The following PHIP variants were observed in gnomAD, a reference collection of about 807,000 sequenced individuals.
PHIP encodes PHIP subunit of CUL4-Ring ligase complex, also known as PH-interacting protein.
A neutral mutation model predicts 236.8 loss-of-function variants in PHIP; 54 were observed. The ratio of observed to expected loss-of-function variants is 0.23; its 90% CI spans 0.18 to 0.29. The LOEUF (loss-of-function observed/expected upper bound fraction) is 0.29. PHIP is among the 10% of genes least tolerant of loss of function. The probability of loss-of-function intolerance (pLI) is 1.00; values close to 1 mark genes in which losing one functional copy is unlikely to be tolerated. For synonymous variants in PHIP, 756 were observed against 718.9 expected, an observed-to-expected ratio of 1.05 and a Z score of -0.83; for missense variants, 1,370 against 2,190.8, an observed-to-expected ratio of 0.63 and a Z score of 7.48.
chr6:78,954,614 T>C (rs552539236), intron 35 of PHIP, among the ~76,000 whole-genome samples, 200 bp downstream of exon 35: 1 of 152,124 alleles, frequency 6.6e-6, no homozygotes, highest in South Asian at 2.1e-4. Context: ...ATTCTTACAG[T>C]GTCTTCATTC....
intron 27 of PHIP, among the ~76,000 whole-genome samples, chr6:78,969,340 CTCTCA>C (rs1486951289): frequency 2.0e-5 from 3 of 152,190 alleles, no homozygotes; most frequent in African/African-American, 7.2e-5. Context: ...AAGAGAACTA[CTCTCA>C]TAAGTGGCAC....
intron 2 of PHIP, 46 bp downstream of exon 2, chr6:79,077,809 C>T: frequency 4.4e-6 from 5 of 1,137,572 alleles, no homozygotes; most frequent in Non-Finnish European, 5.4e-6. Context: ...CCCCCACGCC[C>T]GCGAGCGGCG....
intron 23 of PHIP, among the ~76,000 whole-genome samples, chr6:78,980,196 C>A (rs758490063): frequency 4.6e-5 from 7 of 151,960 alleles, no homozygotes; most frequent in Non-Finnish European, 1.0e-4. Context: ...CACAGCCATA[C>A]CCATTTATGT....
At chr6:78,967,060 A>C (rs1437562119) in intron 27 of PHIP, among the ~76,000 whole-genome samples, 1 of 152,226 alleles carries the variant, frequency 6.6e-6, no homozygotes, top group Non-Finnish European at 1.5e-5. Flanking sequence ...AATTAATCTG[A>C]ATCAGTTTTA....
At chr6:78,990,531 GAAAAACATAACAAAATGCTAT>G in intron 20 of PHIP, among the ~76,000 whole-genome samples, 2 of 152,056 alleles carry the variant, frequency 1.3e-5, no homozygotes, top group African/African-American at 4.8e-5. Context: ...AAAACACATA[GAAAAACATAACAAAATGCTAT>G]TTTTAGACTG....
At chr6:78,992,253 G>A (rs1030832687) in intron 19 of PHIP, among the ~76,000 whole-genome samples, 16 of 151,896 alleles carry the variant, frequency 1.1e-4, no homozygotes, top group Non-Finnish European at 1.6e-4. Flanking sequence ...GTGAGCCACC[G>A]CGCCGGCCCA....
intron 7 of PHIP, among the ~76,000 whole-genome samples, chr6:79,036,564 CCT>C (rs1771941567): frequency 1.3e-5 from 2 of 152,094 alleles, no homozygotes; most frequent in Admixed American, 6.6e-5. Flanking sequence ...TTCTTCCCTC[CCT>C]CTCTCTCCAT....
rs1305393510 is a variant in PHIP, at chr6:78,988,321, A to G, written c.2348T>C (p.Leu783Pro). 1 of 1,605,416 alleles carries G rather than the reference A, an allele frequency of 6.2e-7. No individual in the cohort carries two copies. The highest frequency in any genetic ancestry group is 1.7e-5 in the Admixed American group (1 of 59,480). Residue 783 changes from leucine (L) to proline (P), a missense_variant, in exon 21 of 40, where the codon CTT (leucine) becomes CCT (proline). Coordinates refer to ENST00000275034, the MANE Select transcript of PHIP (RefSeq NM_017934.7). ...KNHAHEHFLD[L>P]GESKKQQTNQ... The stretch of plus-strand genomic sequence containing the variant: ...TGTCTGTTGCTTTTTGGATTCTCCA[A>G]GATCCAGGAAATGCTCATGAGCATG...
At chr6:78,964,099 T>A (rs1050561382) in intron 29 of PHIP, among the ~76,000 whole-genome samples, 34 of 152,148 alleles carry the variant, frequency 2.2e-4, no homozygotes, top group Middle Eastern at 3.2e-3. Flanking sequence ...TCAATGTGAG[T>A]TCAAATTCAA....
chr6:79,000,123 G>T lies in PHIP; in HGVS notation c.1880-1732C>A, dbSNP rs562608682. ...CTGGATTTGCAAATAAAAAGCTAAG[G>T]TTTTTTTTGAAAAGAATTTTGCTTT... On this transcript the variant is annotated intron_variant, in intron 17 of 39. Transcript: ENST00000275034. 2.0e-5 allele frequency among the ~76,000 whole-genome samples: 3 copies of T among 151,540 alleles called. No individual in the cohort carries two copies. The East Asian group carries it at 5.8e-4, about 29-fold the overall frequency.
chr6:79,049,407 A>C (rs1031016973), intron 6 of PHIP, among the ~76,000 whole-genome samples: 7 of 152,174 alleles, frequency 4.6e-5, no homozygotes, highest in Admixed American at 3.3e-4. Context: ...AACACTTGGA[A>C]GGAAAGCTCC....
At chr6:79,019,373 C>T (rs1439446111) in intron 9 of PHIP, among the ~76,000 whole-genome samples, 1 of 152,006 alleles carries the variant, frequency 6.6e-6, no homozygotes, top group African/African-American at 2.4e-5. Context: ...TATTACACAA[C>T]AATACGTACA....
chr6:78,963,863 T>C (rs1766953247), intron 29 of PHIP, among the ~76,000 whole-genome samples: 1 of 152,198 alleles, frequency 6.6e-6, no homozygotes, highest in Non-Finnish European at 1.5e-5. Flanking sequence ...AGATACACTC[T>C]AGAAAATACG....
intron 7 of PHIP, among the ~76,000 whole-genome samples, chr6:79,033,081 G>C (rs988992358): frequency 6.6e-6 from 1 of 151,788 alleles, no homozygotes; most frequent in Non-Finnish European, 1.5e-5. Context: ...TTTCTGAGCA[G>C]TAGGTATCAA....
chr6:78,961,428 G>A (rs150164581), intron 31 of PHIP, among the ~76,000 whole-genome samples: 3,057 of 151,980 alleles, frequency 0.02, 52 homozygotes, highest in Admixed American at 0.065. Context: ...CAGCCTCTAG[G>A]AAAAACTGTA....
chr6:79,010,635 T>C (rs1770528707), intron 15 of PHIP, among the ~76,000 whole-genome samples: 1 of 151,626 alleles, frequency 6.6e-6, no homozygotes, highest in Admixed American at 6.6e-5. Flanking sequence ...AATAGAAAGA[T>C]ATGGAAAGAG....
At chr6:79,074,699 G>T (rs931071202) in intron 4 of PHIP, among the ~76,000 whole-genome samples, 3 of 152,026 alleles carry the variant, frequency 2.0e-5, no homozygotes, top group Non-Finnish European at 4.4e-5. Flanking sequence ...ACAACCATAA[G>T]ATACGACCAT....
chr6:78,971,862 T>A (rs1462487876), intron 24 of PHIP, among the ~76,000 whole-genome samples: 1 of 152,200 alleles, frequency 6.6e-6, no homozygotes, highest in Non-Finnish European at 1.5e-5. Context: ...ATCCCGCACC[T>A]GGCTCGGAGG....
Position 79,003,778 on chromosome 6 carries a change from A to G in PHIP, c.1605T>C (p.His535=). The G allele has an allele frequency of 6.2e-7, 1 of 1,611,612 alleles. No homozygotes were observed. Among genetic ancestry groups the G allele is most frequent in the Non-Finnish European group, 8.5e-7 (1 of 1,178,548 alleles). ...CAAAGCCAAAAATTAAAAGATGTCC[A>G]TGAGAGTCTGTGCATGCAAAATGCT... is the stretch of plus-strand genomic sequence containing the variant. ...DGQHFACTDS[H]GHLLIFGFGS... is the part of the protein sequence containing the mutation. The change falls in exon 16 of 40, where the codon CAT becomes CAC. Residue 535 remains histidine (H), a synonymous_variant. Transcript: ENST00000275034.
Sources: gnomAD v4.1 joint callset for allele counts (sites outside exome capture counted in the v4.1 genomes callset) on GRCh38, gnomAD v4.1.1 for gene constraint, MANE v1.5 for transcripts, NCBI Gene and HGNC (gene_info 2026-07-23, HGNC 2026-07-21) for gene names.